The following LRRC4C variants were observed in gnomAD, a reference collection of about 807,000 sequenced individuals.
The protein encoded by LRRC4C is leucine-rich repeat-containing protein 4C.
A neutral mutation model predicts 33.6 loss-of-function variants in LRRC4C; 5 were observed. That is an observed-to-expected ratio of 0.15 (90% CI 0.08 to 0.31). The LOEUF (loss-of-function observed/expected upper bound fraction) is 0.31. Among genes scored for constraint, LRRC4C ranks in the 10% least tolerant of loss-of-function variants. LRRC4C has a pLI of 1.00. For missense variants in LRRC4C, 560 were observed against 796.7 expected, an observed-to-expected ratio of 0.70 and a Z score of 3.58; for synonymous variants, 329 against 302.0, an observed-to-expected ratio of 1.09 and a Z score of -0.93.
intron 1 of LRRC4C, among the ~76,000 whole-genome samples, chr11:41,008,180 CTTT>C (rs1449156479): frequency 1.3e-5 from 2 of 152,038 alleles, no homozygotes; most frequent in Non-Finnish European, 2.9e-5. Flanking sequence ...GCCTCAAATG[CTTT>C]TCTTCTTCTT....
At chr11:41,160,764 C>T (rs1944434189) in intron 1 of LRRC4C, among the ~76,000 whole-genome samples, 2 of 152,124 alleles carry the variant, frequency 1.3e-5, no homozygotes, top group Admixed American at 1.3e-4. Context: ...GACTATTGTA[C>T]AATTTGCTTA....
At chr11:41,436,902 A>G (rs1182849839) in intron 1 of LRRC4C, among the ~76,000 whole-genome samples, 1 of 152,190 alleles carries the variant, frequency 6.6e-6, no homozygotes, top group Non-Finnish European at 1.5e-5. Flanking sequence ...ACAATCACCA[A>G]TATTTTTCCT....
intron 5 of LRRC4C, among the ~76,000 whole-genome samples, chr11:40,202,135 T>C (rs1297706596): frequency 7.1e-6 from 1 of 140,720 alleles, no homozygotes; most frequent in African/African-American, 2.7e-5. Context: ...TTGGGATCAT[T>C]AAGGAAAACA....
At chr11:40,973,815 C>T (rs1225530576) in intron 1 of LRRC4C, among the ~76,000 whole-genome samples, 1 of 151,434 alleles carries the variant, frequency 6.6e-6, no homozygotes, top group South Asian at 2.1e-4. Flanking sequence ...ATTTTTAAAG[C>T]CTTTTAATTT....
At chr11:40,717,368 A>C (rs966186581) in intron 2 of LRRC4C, among the ~76,000 whole-genome samples, 1 of 152,020 alleles carries the variant, frequency 6.6e-6, no homozygotes, top group African/African-American at 2.4e-5. Context: ...AGTCAGTCCA[A>C]AGTCTTTTGA....
chr11:40,294,861 AG>A (rs980013841), intron 4 of LRRC4C, among the ~76,000 whole-genome samples: 9 of 152,102 alleles, frequency 5.9e-5, no homozygotes, highest in African/African-American at 2.2e-4. Context: ...ATAAAAAAAA[AG>A]AATAGGCTCA....
chr11:41,404,820 G>C (rs1954168132), intron 1 of LRRC4C, among the ~76,000 whole-genome samples: 1 of 151,960 alleles, frequency 6.6e-6, no homozygotes, highest in Admixed American at 6.6e-5. Flanking sequence ...ATGTAAGTAA[G>C]TGGCCATGAT....
intron 1 of LRRC4C, among the ~76,000 whole-genome samples, chr11:41,220,858 T>G (rs896268845): frequency 6.6e-6 from 1 of 152,220 alleles, no homozygotes; most frequent in Non-Finnish European, 1.5e-5. Context: ...CCAGTGTCTA[T>G]GCACTGGGAA....
intron 2 of LRRC4C, among the ~76,000 whole-genome samples, chr11:40,836,813 C>T (rs969041644): frequency 2.6e-5 from 4 of 152,084 alleles, no homozygotes; most frequent in African/African-American, 9.7e-5. Context: ...TATAGAAAGT[C>T]CCAGAACAAC....
chr11:40,722,261 TG>T (rs1947055046), intron 2 of LRRC4C, among the ~76,000 whole-genome samples: 1 of 152,164 alleles, frequency 6.6e-6, no homozygotes, highest in Non-Finnish European at 1.5e-5. Flanking sequence ...TTTATGGACT[TG>T]GAATGGGAGT....
intron 1 of LRRC4C, among the ~76,000 whole-genome samples, chr11:41,271,877 C>G (rs531202907): frequency 3.3e-5 from 5 of 152,156 alleles, no homozygotes; most frequent in Admixed American, 1.3e-4. Context: ...AATTGTTAAA[C>G]TACCACTATA....
chr11:40,577,867 G>T (rs1333560312), intron 3 of LRRC4C, among the ~76,000 whole-genome samples: 4 of 126,168 alleles, frequency 3.2e-5, no homozygotes, highest in East Asian at 4.5e-4. Flanking sequence ...ACGGAGTCTC[G>T]CTCTGTCGCC....
intron 2 of LRRC4C, among the ~76,000 whole-genome samples, chr11:40,723,251 A>G (rs1407682412): frequency 1.3e-5 from 2 of 152,078 alleles, no homozygotes; most frequent in Non-Finnish European, 2.9e-5. Flanking sequence ...TGAAGAATTC[A>G]AGTAACCCCT....
At chr11:40,535,657 T>C (rs1195217333) in intron 3 of LRRC4C, among the ~76,000 whole-genome samples, 1 of 152,230 alleles carries the variant, frequency 6.6e-6, no homozygotes, top group Non-Finnish European at 1.5e-5. Context: ...TTTAGATTTG[T>C]ACTGGGTTGA....
At chr11:41,020,535 AAGATGGT>A (rs1855886318) in intron 1 of LRRC4C, among the ~76,000 whole-genome samples, 1 of 152,098 alleles carries the variant, frequency 6.6e-6, no homozygotes, top group South Asian at 2.1e-4. Flanking sequence ...ATGCAGAGGG[AAGATGGT>A]AGCAGAGATT....
At chr11:40,821,738 A>G (rs1302753214) in intron 2 of LRRC4C, among the ~76,000 whole-genome samples, 1 of 151,704 alleles carries the variant, frequency 6.6e-6, no homozygotes, top group East Asian at 1.9e-4. Flanking sequence ...TTCACAGACC[A>G]AAAGGAACTA....
chr11:40,214,292 G>C (rs1041651761), intron 5 of LRRC4C, among the ~76,000 whole-genome samples: 1 of 152,208 alleles, frequency 6.6e-6, no homozygotes, highest in Non-Finnish European at 1.5e-5. Flanking sequence ...TATAATCCCT[G>C]GGTTTGGGGG....
At chr11:40,684,462 T>C (rs1944857282) in intron 2 of LRRC4C, among the ~76,000 whole-genome samples, 1 of 151,860 alleles carries the variant, frequency 6.6e-6, no homozygotes, top group Non-Finnish European at 1.5e-5. Context: ...ATAAAAGATA[T>C]TAAAAGTTAA....
rs530003573 is a variant in LRRC4C, at chr11:41,051,520, C to CAAA, written c.-495-117800_-495-117798dup. On this transcript the variant is annotated intron_variant, in intron 1 of 6. Transcript: ENST00000528697. ...CTCAGTCCCTCCCAGGGTCTCAAGGCAAAAAAAAAAAAAAAAAAAAAAAAA... is the reference window on the plus strand; with the variant it reads ...CTCAGTCCCTCCCAGGGTCTCAAGGCAAAAAAAAAAAAAAAAAAAAAAAAAAAA... Among the ~76,000 whole-genome samples the CAAA allele has an allele frequency of 4.8e-4, 29 of 60,288 alleles. 3 individuals are homozygous for CAAA. Among genetic ancestry groups the CAAA allele is most frequent in the African/African-American group, 7.0e-4 (10 of 14,286 alleles). The allele number at this position is 60,288 out of a possible 152,430, so 39.6% of individuals were successfully genotyped here.
Sources: gnomAD v4.1 joint callset for allele counts (sites outside exome capture counted in the v4.1 genomes callset) on GRCh38, gnomAD v4.1.1 for gene constraint, MANE v1.5 for transcripts, NCBI Gene and HGNC (gene_info 2026-07-23, HGNC 2026-07-21) for gene names.